SLC25A28: variants seen among roughly 807,000 people sequenced by gnomAD.
SLC25A28 encodes the protein mitoferrin-2.
SLC25A28 carries 10 observed loss-of-function variants against 31.9 expected under a neutral mutation model. The ratio of observed to expected loss-of-function variants is 0.31; its 90% confidence interval spans 0.19 to 0.53. The LOEUF (loss-of-function observed/expected upper bound fraction) is 0.53. Ranked by LOEUF, SLC25A28 falls within the 20% of genes least tolerant of loss-of-function variation. SLC25A28 has a pLI of 0.95. For synonymous variants in SLC25A28, 208 were observed against 203.6 expected (o/e 1.02, Z -0.19); for missense variants, 256 against 490.3 (o/e 0.52, Z 4.51).
At chr10:99,622,723 C>G, upstream of SLC25A28, 1 of 985,272 alleles carries the variant, frequency 1.0e-6, no homozygotes, top group South Asian at 4.7e-5. Context: ...TGGAACATCC[C>G]TAAACGTTTA....
Position 99,620,164 on chromosome 10 carries a change from C to T in SLC25A28, c.172G>A (p.Asp58Asn), listed in dbSNP as rs1426828222. The T allele has an allele frequency of 6.4e-7, 1 of 1,557,768 alleles. No individual in the cohort carries two copies. The highest frequency in any genetic ancestry group is 1.1e-5 in the South Asian group (1 of 87,878). The change falls in exon 1 of 4, where the codon GAC (aspartate) becomes AAC (asparagine). Residue 58 changes from aspartate to asparagine, a missense_variant. Transcript: ENST00000370495. ...AGCGCCTCGTAGTCCGGGCCGGAGT[C>T]CGGATCTTGTCGTACCGGGGGCCTG... The part of the protein sequence containing the change: ...ACRPPVRQDP[D>N]SGPDYEALPA...
At chr10:99,619,058 T>C in intron 1 of SLC25A28, 1 of 985,468 alleles carries the variant, frequency 1.0e-6, no homozygotes, top group Non-Finnish European at 1.2e-6. Flanking sequence ...CTGGCACCTT[T>C]ACTAATGTAC....
At chr10:99,622,684 AGTCGCT>A, upstream of SLC25A28, 1 of 985,014 alleles carries the variant, frequency 1.0e-6, no homozygotes, top group South Asian at 4.7e-5. Context: ...TAGACATCTC[AGTCGCT>A]TACACTTCTC....
At chr10:99,622,608 A>T (rs2034817732), upstream of SLC25A28, 3 of 979,770 alleles carry the variant, frequency 3.1e-6, no homozygotes, top group South Asian at 1.4e-4. Context: ...TTTTCTTAAC[A>T]GAGATAACAC....
the SLC25A28 span, among the ~76,000 whole-genome samples, chr10:99,654,334 A>T: frequency 6.6e-6 from 1 of 152,204 alleles, no homozygotes; most frequent in African/African-American, 2.4e-5. Context: ...TTAATTTAGC[A>T]GCTTGATGAT....
chr10:99,639,128 T>C, the SLC25A28 span, among the ~76,000 whole-genome samples: 1 of 151,640 alleles, frequency 6.6e-6, no homozygotes, highest in African/African-American at 2.4e-5. Flanking sequence ...CTCAATAATA[T>C]ATATATGAGG....
chr10:99,652,598 G>T, the SLC25A28 span, among the ~76,000 whole-genome samples: 1 of 152,190 alleles, frequency 6.6e-6, no homozygotes, highest in Non-Finnish European at 1.5e-5. Flanking sequence ...ATCCTCAAAT[G>T]ACATGCTACA....
At chr10:99,653,547 A>G in the SLC25A28 span, among the ~76,000 whole-genome samples, 5 of 152,220 alleles carry the variant, frequency 3.3e-5, no homozygotes, top group African/African-American at 1.2e-4. Flanking sequence ...TTTAAGCTGC[A>G]AAGTTTTGGA....
intron 1 of SLC25A28, chr10:99,615,622 C>A (rs1355889256): frequency 3.0e-6 from 3 of 985,256 alleles, no homozygotes; most frequent in Non-Finnish European, 3.6e-6. Flanking sequence ...TTTCCTACTT[C>A]CCCCCACAAA....
At chr10:99,617,229 A>G (rs1444054830) in intron 1 of SLC25A28, 1 of 985,304 alleles carries the variant, frequency 1.0e-6, no homozygotes, top group East Asian at 1.1e-4. Flanking sequence ...TGAGGCCCAG[A>G]AAAGGAAACT....
the SLC25A28 span, among the ~76,000 whole-genome samples, chr10:99,640,685 A>G: frequency 2.6e-5 from 4 of 151,968 alleles, no homozygotes; most frequent in South Asian, 4.2e-4. Context: ...CATTTACATT[A>G]GGTATATCTC....
chr10:99,619,914 T>A lies in SLC25A28; in HGVS notation c.291+131A>T, dbSNP rs939287894. On this transcript the variant is annotated intron_variant, in intron 1 of 3. Transcript: ENST00000370495. The stretch of plus-strand genomic sequence containing the variant: ...TGCTTGAATGGAGTGTCGGTTCGAA[T>A]CATGTGGTAGTGGCAGGAGCCAGGA... 4 of 918,658 alleles carry A rather than the reference T, an allele frequency of 4.4e-6. No individual in the cohort carries two copies. In the African/African-American group the frequency reaches 6.9e-5, roughly 16 times the overall value. The allele number at this position is 918,658 out of a possible 1,614,324, so 56.9% of individuals were successfully genotyped here. A position where few individuals can be genotyped will look rare whatever the true frequency, so the allele number is the denominator to read the frequency against.
At chr10:99,629,646 A>G in the SLC25A28 span, among the ~76,000 whole-genome samples, 2 of 152,246 alleles carry the variant, frequency 1.3e-5, no homozygotes, top group African/African-American at 4.8e-5. Context: ...AAAGAAGCCA[A>G]ATGCAAAAGG....
upstream of SLC25A28, among the ~76,000 whole-genome samples, chr10:99,624,939 G>T (rs377499967): frequency 6.6e-6 from 1 of 152,062 alleles, no homozygotes; most frequent in South Asian, 2.1e-4. Flanking sequence ...ATGTTTTCTT[G>T]TATTCCAGTG....
At chr10:99,641,188 T>C in the SLC25A28 span, among the ~76,000 whole-genome samples, 1 of 152,238 alleles carries the variant, frequency 6.6e-6, no homozygotes, top group African/African-American at 2.4e-5. Context: ...ACCAACAGTG[T>C]AAAAGTGTTC....
intron 1 of SLC25A28, chr10:99,616,969 A>G (rs1480035670): frequency 6.1e-6 from 6 of 984,830 alleles, no homozygotes; most frequent in Non-Finnish European, 6.0e-6. Context: ...AAAATCAAAT[A>G]AGCTAATGTT....
At chr10:99,642,418 G>T in the SLC25A28 span, among the ~76,000 whole-genome samples, 1 of 152,158 alleles carries the variant, frequency 6.6e-6, no homozygotes, top group Non-Finnish European at 1.5e-5. Flanking sequence ...CATTGATTTT[G>T]TATCCTGACA....
chr10:99,637,130 T>C, the SLC25A28 span, among the ~76,000 whole-genome samples: 1 of 152,056 alleles, frequency 6.6e-6, no homozygotes, highest in Admixed American at 6.5e-5. Flanking sequence ...GCAGAGATGG[T>C]TTAACATACA....
chr10:99,623,310 C>T (rs1264352227), upstream of SLC25A28, among the ~76,000 whole-genome samples: 1 of 152,160 alleles, frequency 6.6e-6, no homozygotes, highest in African/African-American at 2.4e-5. Flanking sequence ...GAATATCCAC[C>T]TTGATTTCTG....
Sources: allele counts gnomAD v4.1 joint callset (sites outside exome capture counted in the v4.1 genomes callset), GRCh38; gene constraint gnomAD v4.1.1; transcripts MANE v1.5; gene names NCBI Gene and HGNC (gene_info 2026-07-23, HGNC 2026-07-21).